The following TNFRSF19 variants were observed in gnomAD, a reference collection of about 807,000 sequenced individuals.
TNFRSF19 encodes the protein TNF receptor superfamily member 19.
TNFRSF19 carries 27 observed loss-of-function variants against 46.4 expected under a neutral mutation model. That is an observed-to-expected ratio of 0.58 (90% confidence interval 0.43 to 0.80). The LOEUF is 0.80. Among genes scored for constraint, TNFRSF19 ranks in the 30% least tolerant of loss-of-function variants. The probability of loss-of-function intolerance (pLI) is 0.00; values close to 1 mark genes in which losing one functional copy is unlikely to be tolerated. For synonymous variants in TNFRSF19, 204 were observed against 205.0 expected (o/e 1.00, Z 0.04); for missense variants, 511 against 530.8 (o/e 0.96, Z 0.37).
At chr13:23,627,847 G>A (rs1479023896) in intron 5 of TNFRSF19, among the ~76,000 whole-genome samples, 1 of 152,162 alleles carries the variant, frequency 6.6e-6, no homozygotes, top group East Asian at 1.9e-4. Context: ...ATGGAATTTT[G>A]CAGTCCATAT....
At chr13:23,630,651 C>T (rs959551115) in intron 5 of TNFRSF19, among the ~76,000 whole-genome samples, 15 of 152,266 alleles carry the variant, frequency 9.9e-5, no homozygotes, top group African/African-American at 3.6e-4. Context: ...CATTGTTCCC[C>T]CAAGTAACTT....
chr13:23,669,108 G>A lies in TNFRSF19; in HGVS notation c.1245+11G>A, dbSNP rs145685720. The A allele has an allele frequency of 4.1e-3, 6,541 of 1,612,130 alleles. 20 individuals are homozygous for A. The highest frequency in any genetic ancestry group is 5.0e-3 in the Non-Finnish European group (5,950 of 1,179,266). On this transcript the variant is annotated intron_variant, in intron 9 of 9. Coordinates refer to ENST00000248484, the MANE Select transcript of TNFRSF19 (RefSeq NM_148957.4). ...CAGACGTCCCTCCAGGTAAGGCAGC[G>A]ACTGGGTTCCCTGTGAACACAGCAC... is the stretch of plus-strand genomic sequence containing the variant.
At chr13:23,604,913 G>T (rs879547261) in intron 3 of TNFRSF19, among the ~76,000 whole-genome samples, 19 of 152,258 alleles carry the variant, frequency 1.2e-4, no homozygotes, top group Admixed American at 5.2e-4. Context: ...GTTTGGTGAT[G>T]ACTGTTTTAT....
At chr13:23,669,191 G>T in intron 9 of TNFRSF19, 94 bp downstream of exon 9, 4 of 1,294,062 alleles carry the variant, frequency 3.1e-6, no homozygotes, top group Non-Finnish European at 4.1e-6. Context: ...AACCTGATGA[G>T]TTTTTTTTTT....
intron 5 of TNFRSF19, among the ~76,000 whole-genome samples, chr13:23,653,857 G>A (rs915665657): frequency 9.8e-5 from 15 of 152,312 alleles, no homozygotes; most frequent in African/African-American, 2.2e-4. Flanking sequence ...CATTTCTGCA[G>A]GGAGAGCACA....
intron 5 of TNFRSF19, among the ~76,000 whole-genome samples, chr13:23,658,233 AC>A (rs1395708783): frequency 7.2e-5 from 11 of 152,154 alleles, no homozygotes; most frequent in African/African-American, 2.7e-4. Flanking sequence ...TAATGATTCT[AC>A]AGCACAGCCA....
chr13:23,647,913 A>G (rs1883422638), intron 5 of TNFRSF19, among the ~76,000 whole-genome samples: 1 of 152,122 alleles, frequency 6.6e-6, no homozygotes, highest in Non-Finnish European at 1.5e-5. Context: ...TTACTTCAGG[A>G]CTGTCAATTC....
chr13:23,640,639 T>C (rs542901593), intron 5 of TNFRSF19, among the ~76,000 whole-genome samples: 1 of 152,328 alleles, frequency 6.6e-6, no homozygotes, highest in East Asian at 1.9e-4. Context: ...GTTGGCAAAC[T>C]GTATGCCAAG....
At chr13:23,636,612 T>A (rs1315116021) in intron 5 of TNFRSF19, among the ~76,000 whole-genome samples, 3 of 152,142 alleles carry the variant, frequency 2.0e-5, no homozygotes, top group African/African-American at 4.8e-5. Flanking sequence ...TACAATAAGG[T>A]GCTGAGGGAA....
At chr13:23,666,714 A>G (rs569335051) in intron 7 of TNFRSF19, among the ~76,000 whole-genome samples, 15 of 152,110 alleles carry the variant, frequency 9.9e-5, no homozygotes, top group Non-Finnish European at 2.1e-4. Context: ...GGTGAGCGTG[A>G]CACACGTTTG....
Position 23,633,682 on chromosome 13 carries a change from C to G in TNFRSF19, c.445+6890C>G, listed in dbSNP as rs1882494601. Among the ~76,000 whole-genome samples, 3 of 152,058 alleles carry G rather than the reference C, an allele frequency of 2.0e-5. No homozygotes were observed. In the South Asian group the frequency reaches 6.2e-4, roughly 32 times the overall value. Reference sequence around the variant, plus strand: ...TGGCCGACATGACGAAACCCTGTCTCTATTAAAAATACAAAAATTAGCTGC... The same window carrying G: ...TGGCCGACATGACGAAACCCTGTCTGTATTAAAAATACAAAAATTAGCTGC... On this transcript the variant is annotated intron_variant, in intron 5 of 9. Coordinates refer to ENST00000248484, the MANE Select transcript of TNFRSF19 (RefSeq NM_148957.4).
chr13:23,584,425 G>A (rs1355945678), intron 1 of TNFRSF19, among the ~76,000 whole-genome samples: 1 of 152,146 alleles, frequency 6.6e-6, no homozygotes, highest in East Asian at 1.9e-4. Context: ...TTATGGATGA[G>A]TAGTATTCCA....
chr13:23,627,265 T>C (rs115939028), intron 5 of TNFRSF19, among the ~76,000 whole-genome samples: 5,251 of 152,270 alleles, frequency 0.034, 125 homozygotes, highest in African/African-American at 0.06. Context: ...TGGAACTTAG[T>C]TCACTTCATC....
At chr13:23,590,768 T>C (rs948724503) in intron 2 of TNFRSF19, among the ~76,000 whole-genome samples, 2 of 152,262 alleles carry the variant, frequency 1.3e-5, no homozygotes, top group African/African-American at 4.8e-5. Context: ...GTTGAAATTA[T>C]CTTATTTAAA....
At chr13:23,612,060 G>A (rs1183812633) in intron 3 of TNFRSF19, among the ~76,000 whole-genome samples, 1 of 152,058 alleles carries the variant, frequency 6.6e-6, no homozygotes, top group African/African-American at 2.4e-5. Context: ...GGGAAGAAAG[G>A]TGTACTGTTT....
At chr13:23,635,418 A>G (rs1168456867) in intron 5 of TNFRSF19, among the ~76,000 whole-genome samples, 1 of 152,194 alleles carries the variant, frequency 6.6e-6, no homozygotes, top group Non-Finnish European at 1.5e-5. Flanking sequence ...TCACTCTGTC[A>G]TCCAGGCTGG....
intron 5 of TNFRSF19, among the ~76,000 whole-genome samples, chr13:23,635,544 A>G (rs897694299): frequency 3.3e-5 from 5 of 151,716 alleles, no homozygotes; most frequent in African/African-American, 1.2e-4. Context: ...ATGCCCGGCT[A>G]ATTTGTGTAT....
At chr13:23,617,683 G>A (rs1881396742) in intron 4 of TNFRSF19, among the ~76,000 whole-genome samples, 1 of 152,222 alleles carries the variant, frequency 6.6e-6, no homozygotes, top group Admixed American at 6.5e-5. Context: ...CATTGCAGGG[G>A]CAGCAAACAT....
chr13:23,614,696 T>G (rs935844818), intron 3 of TNFRSF19, among the ~76,000 whole-genome samples: 7 of 151,030 alleles, frequency 4.6e-5, no homozygotes, highest in African/African-American at 1.7e-4. Context: ...CGACAACAGG[T>G]GTTACCAACA....
Sources: allele counts gnomAD v4.1 joint callset (sites outside exome capture counted in the v4.1 genomes callset), GRCh38; gene constraint gnomAD v4.1.1; transcripts MANE v1.5; gene names NCBI Gene and HGNC (gene_info 2026-07-23, HGNC 2026-07-21).